The following CCSER1 variants were observed in gnomAD, a reference collection of about 807,000 sequenced individuals.
The protein encoded by CCSER1 is serine-rich coiled-coil domain-containing protein 1.
In CCSER1, 41 loss-of-function variants were observed where a neutral mutation model predicts 82.0. The observed-to-expected ratio is 0.50, with a 90% CI of 0.39 to 0.65. CCSER1 has a LOEUF of 0.65. Among genes scored for constraint, CCSER1 ranks in the 30% least tolerant of loss-of-function variants. CCSER1 has a pLI of 0.00. For missense variants in CCSER1, 1,119 were observed against 1,064.2 expected, an observed-to-expected ratio of 1.05 and a Z score of -0.72; for synonymous variants, 414 against 383.9, an observed-to-expected ratio of 1.08 and a Z score of -0.92.
intron 1 of CCSER1, among the ~76,000 whole-genome samples, chr4:90,259,428 ACTT>A (rs967643515): frequency 6.6e-6 from 1 of 151,292 alleles, no homozygotes; most frequent in Admixed American, 6.6e-5. Flanking sequence ...TGACAGTTTG[ACTT>A]CTTTTTTTTT....
chr4:91,384,463 C>T (rs1424104585), intron 10 of CCSER1, among the ~76,000 whole-genome samples: 3 of 151,252 alleles, frequency 2.0e-5, no homozygotes, highest in Admixed American at 2.0e-4. Context: ...TGATTTTAAA[C>T]AGTCAAAAAT....
chr4:91,373,361 C>T (rs1578295210), intron 10 of CCSER1, among the ~76,000 whole-genome samples: 1 of 152,228 alleles, frequency 6.6e-6, no homozygotes, highest in African/African-American at 2.4e-5. Context: ...CACCATTTTC[C>T]AACAGCATGT....
At chr4:90,255,334 A>G (rs1423267090) in intron 1 of CCSER1, among the ~76,000 whole-genome samples, 1 of 152,132 alleles carries the variant, frequency 6.6e-6, no homozygotes, top group Non-Finnish European at 1.5e-5. Flanking sequence ...CTTGGTGACC[A>G]GGGAATCTGC....
intron 7 of CCSER1, among the ~76,000 whole-genome samples, chr4:90,799,286 A>G (rs1375005473): frequency 6.6e-6 from 1 of 151,876 alleles, no homozygotes; most frequent in Non-Finnish European, 1.5e-5. Context: ...GGCAGGGGAG[A>G]GGTTGGCTGG....
At chr4:90,344,480 A>C (rs1741972872) in intron 3 of CCSER1, among the ~76,000 whole-genome samples, 1 of 152,096 alleles carries the variant, frequency 6.6e-6, no homozygotes, top group Non-Finnish European at 1.5e-5. Context: ...TGTGTGGTAC[A>C]GATACTTCTC....
At chr4:90,261,494 T>C (rs1724327541) in intron 1 of CCSER1, among the ~76,000 whole-genome samples, 1 of 152,188 alleles carries the variant, frequency 6.6e-6, no homozygotes, top group Non-Finnish European at 1.5e-5. Flanking sequence ...TTTTCCTCTG[T>C]GGGTTACCTG....
rs546239029 is a variant in CCSER1, at chr4:91,481,434, G to A, written c.2218-117138G>A. ...GTGTCCACGTTGCCTCTTTTCGTAA[G>A]ACACAAATCAGGTTGGTTGAGGACC... On this transcript the variant is annotated intron_variant, in intron 10 of 10. Transcript: ENST00000509176. 9.2e-5 allele frequency among the ~76,000 whole-genome samples: 14 copies of A among 152,064 alleles called. No homozygotes were observed. In the East Asian group the frequency reaches 2.7e-3, roughly 30 times the overall value.
At chr4:91,408,882 C>G (rs998910349) in intron 10 of CCSER1, among the ~76,000 whole-genome samples, 2 of 152,090 alleles carry the variant, frequency 1.3e-5, no homozygotes, top group African/African-American at 4.8e-5. Context: ...GATGAGTAAA[C>G]CAACCATAGT....
intron 6 of CCSER1, among the ~76,000 whole-genome samples, chr4:90,665,564 A>AC (rs1474728149): frequency 1.2e-4 from 18 of 151,604 alleles, no homozygotes; most frequent in African/African-American, 4.4e-4. Flanking sequence ...CTCGTGATCC[A>AC]CCCGCCTCGG....
chr4:90,582,136 C>T (rs1470696676), intron 5 of CCSER1, among the ~76,000 whole-genome samples: 2 of 151,900 alleles, frequency 1.3e-5, no homozygotes, highest in Non-Finnish European at 2.9e-5. Flanking sequence ...CTCTCCCACC[C>T]CCAAGAGCAA....
At chr4:90,233,508 G>A (rs1440867038) in intron 1 of CCSER1, among the ~76,000 whole-genome samples, 1 of 152,020 alleles carries the variant, frequency 6.6e-6, no homozygotes, top group Non-Finnish European at 1.5e-5. Flanking sequence ...AGCATGGGGA[G>A]ATATACCTAA....
chr4:91,147,439 C>A (rs1199782859), intron 10 of CCSER1, among the ~76,000 whole-genome samples: 1 of 152,182 alleles, frequency 6.6e-6, no homozygotes, highest in Non-Finnish European at 1.5e-5. Flanking sequence ...CTGTTGCTGG[C>A]TAACACGCAT....
intron 3 of CCSER1, among the ~76,000 whole-genome samples, chr4:90,374,678 A>G (rs1748012576): frequency 6.6e-6 from 1 of 152,146 alleles, no homozygotes; most frequent in South Asian, 2.1e-4. Context: ...ACATCATTGG[A>G]CAATTGACCT....
chr4:91,377,325 A>G (rs962514365), intron 10 of CCSER1, among the ~76,000 whole-genome samples: 1 of 152,182 alleles, frequency 6.6e-6, no homozygotes, highest in Non-Finnish European at 1.5e-5. Flanking sequence ...GAATCGCCAC[A>G]CTGTCTTCCA....
At chr4:91,294,765 A>G (rs978911177) in intron 10 of CCSER1, among the ~76,000 whole-genome samples, 1 of 151,916 alleles carries the variant, frequency 6.6e-6, no homozygotes, top group East Asian at 2.0e-4. Context: ...TTCATCCAAG[A>G]TAATCTCATC....
intron 7 of CCSER1, among the ~76,000 whole-genome samples, chr4:90,811,969 C>CATAT (rs34117865): frequency 1.2e-3 from 156 of 131,792 alleles, no homozygotes; most frequent in Middle Eastern, 3.9e-3. Flanking sequence ...TATATATACA[C>CATAT]ATATATATAT....
rs577648626 is a variant in CCSER1, at chr4:90,269,088, T to C, written c.-41-39156T>C. Reference sequence around the variant, plus strand: ...TAAAGAGAGAGGTAGATCAATACAATAGCTGGAGACTTCAACACCCAACTT... The same window carrying C: ...TAAAGAGAGAGGTAGATCAATACAACAGCTGGAGACTTCAACACCCAACTT... On this transcript the variant is annotated intron_variant, in intron 1 of 10. Coordinates refer to ENST00000509176, the MANE Select transcript of CCSER1 (RefSeq NM_001145065.2). Among the ~76,000 whole-genome samples, 40 of 152,216 alleles carry C rather than the reference T, an allele frequency of 2.6e-4. 1 individual carries two copies. Among genetic ancestry groups the C allele is most frequent in the Admixed American group, 2.2e-3 (33 of 15,290 alleles).
At chr4:91,516,943 G>A (rs1280326056) in intron 10 of CCSER1, among the ~76,000 whole-genome samples, 1 of 151,978 alleles carries the variant, frequency 6.6e-6, no homozygotes, top group East Asian at 1.9e-4. Flanking sequence ...TGTATTCCTA[G>A]GTATTCTTTT....
chr4:91,438,850 C>A (rs372078839), intron 10 of CCSER1, among the ~76,000 whole-genome samples: 1 of 152,054 alleles, frequency 6.6e-6, no homozygotes, highest in South Asian at 2.1e-4. Context: ...GGCTCAGGAG[C>A]CAATGCGATC....
Sources: allele counts gnomAD v4.1 joint callset (sites outside exome capture counted in the v4.1 genomes callset), GRCh38; gene constraint gnomAD v4.1.1; transcripts MANE v1.5; gene names NCBI Gene and HGNC (gene_info 2026-07-23, HGNC 2026-07-21).